ACP6: variants seen among roughly 807,000 people sequenced by gnomAD.
ACP6 encodes lysophosphatidic acid phosphatase type 6.
A neutral mutation model predicts 48.1 loss-of-function variants in ACP6; 48 were observed. The observed-to-expected ratio is 1.00, with a 90% CI of 0.79 to 1.27. The LOEUF is 1.27. Among genes scored for constraint, ACP6 ranks in the 50% most tolerant of loss-of-function variants. The pLI is 0.00. For missense variants in ACP6, 485 were observed against 529.1 expected (o/e 0.92, Z 0.82); for synonymous variants, 172 against 204.2 (o/e 0.84, Z 1.34).
rs75384252 is a variant in ACP6, at chr1:147,656,921, T to C, written c.560-1673A>G. Among the ~76,000 whole-genome samples the C allele has an allele frequency of 2.9e-3, 434 of 152,274 alleles. 3 individuals carry two copies. Among genetic ancestry groups the C allele is most frequent in the African/African-American group, 9.6e-3 (400 of 41,532 alleles). On this transcript the variant is annotated intron_variant, in intron 4 of 9. Transcript: ENST00000583509. ...AGGGTAATACACAGCATTTACATTG[T>C]ATTGGGTATTATGTCATCTACAGAT...
In ACP6 at chr1:147,644,330, C is replaced by A. The variant is rs1553209182; in HGVS notation, c.*3093G>T. Reference sequence around the variant, plus strand: ...AAAAGAAAGTAAAAAGTTTTTATTACAAAAAAGAAGAAGAATGGTAAGATG... The same window carrying A: ...AAAAGAAAGTAAAAAGTTTTTATTAAAAAAAAGAAGAAGAATGGTAAGATG... On this transcript the variant is annotated 3_prime_UTR_variant, in exon 10 of 10. Coordinates refer to ENST00000583509, the MANE Select transcript of ACP6 (RefSeq NM_016361.5). 1.3e-5 allele frequency: 2 copies of A among 151,976 alleles called. No individual in the cohort carries two copies. Among genetic ancestry groups the A allele is most frequent in the African/African-American group, 4.8e-5 (2 of 41,364 alleles). 9.4% of individuals were successfully genotyped at this position (151,976 alleles called of 1,614,324 possible). A position where few individuals can be genotyped will look rare whatever the true frequency, so the allele number is the denominator to read the frequency against.
Position 147,652,440 on chromosome 1 carries a change from GC to G in ACP6, c.881+8del, listed in dbSNP as rs782470458. ...GCGTGACTTCATGCCAGCAGTGAGA[GC>G]CCCTCACCTGTCTTCCTTGGGCAGT... On this transcript the variant is annotated splice_region_variant and intron_variant, in intron 7 of 9. Transcript: ENST00000583509. 1 of 1,607,746 alleles carries G rather than the reference GC, an allele frequency of 6.2e-7. No individual in the cohort carries two copies. The highest frequency in any genetic ancestry group is 1.7e-5 in the Admixed American group (1 of 59,408).
intron 1 of ACP6, among the ~76,000 whole-genome samples, chr1:147,667,622 CAT>C (rs1278555637): frequency 6.6e-6 from 1 of 152,146 alleles, no homozygotes; most frequent in African/African-American, 2.4e-5. Context: ...AATCAGGAAA[CAT>C]GTACCAAAGA....
Position 147,659,670 on chromosome 1 carries a change from G to T in ACP6, c.325C>A (p.Gln109Lys). The T allele has an allele frequency of 6.2e-7, 1 of 1,614,206 alleles. No homozygotes were observed. Among genetic ancestry groups the T allele is most frequent in the Middle Eastern group, 1.6e-4 (1 of 6,062 alleles). The change falls in exon 2 of 10, where the codon CAA becomes AAA. Residue 109 changes from glutamine to lysine, a missense_variant. By Grantham distance (53) the Gln-to-Lys change is moderately conservative (BLOSUM62 1). Transcript: ENST00000583509. The part of the protein sequence containing the change: ...GPKPYSPYDS[Q>K]YHETTLKGGM... The stretch of plus-strand genomic sequence containing the variant: ...ACCTTCAGGGTGGTCTCATGGTATT[G>T]AGAGTCGTAAGGAGAATATGGTTTC...
Position 147,669,882 on chromosome 1 carries a change from A to C in ACP6, c.167T>G (p.Val56Gly), listed in dbSNP as rs1553214348. ...SLLKLKMVQVVFRHGARSPLK... is the reference protein window; with the variant it reads ...SLLKLKMVQVGFRHGARSPLK... ...AGGACTCCGAGCCCCGTGTCGAAAC[A>C]CGACCTGCACCATTTTCAACTTCAG... The change falls in exon 1 of 10, where the codon GTG (valine) becomes GGG (glycine). Residue 56 changes from valine to glycine, a missense_variant. Physicochemically the swap from Val to Gly is moderately radical, Grantham distance 109. Coordinates refer to ENST00000583509, the MANE Select transcript of ACP6 (RefSeq NM_016361.5). 6.2e-7 allele frequency: 1 copy of C among 1,601,802 alleles called. No individual in the cohort carries two copies. Among genetic ancestry groups the C allele is most frequent in the Non-Finnish European group, 8.5e-7 (1 of 1,175,092 alleles).
At chr1:147,635,422 T>C (rs782081451) in intron 5 of ACP6, among the ~76,000 whole-genome samples, 4 of 152,328 alleles carry the variant, frequency 2.6e-5, no homozygotes, top group African/African-American at 9.6e-5. Context: ...ATTTTCTCTC[T>C]CTCCTCTATT....
At chr1:147,633,740 T>C (rs1553207664) in intron 5 of ACP6, among the ~76,000 whole-genome samples, 2 of 152,192 alleles carry the variant, frequency 1.3e-5, no homozygotes, top group African/African-American at 4.8e-5. Context: ...TTATATTGGT[T>C]CTAACTTTTC....
intron 6 of ACP6, 92 bp from the exon 7 acceptor site, chr1:147,652,641 T>C (rs1553210786): frequency 1.2e-6 from 2 of 1,606,856 alleles, no homozygotes; most frequent in Admixed American, 1.7e-5. Context: ...CAGGAGCCCA[T>C]CTTCTCCTGG....
Position 147,654,177 on chromosome 1 carries a change from C to G in ACP6, c.780+17G>C, listed in dbSNP as rs201892511. On this transcript the variant is annotated intron_variant, in intron 6 of 9. Coordinates refer to ENST00000583509, the MANE Select transcript of ACP6 (RefSeq NM_016361.5). ...CACCAAGGCTATTATCCCAGGCTCC[C>G]CAACCCCAGGACTCACCTGCTCGGC... 1 of 1,611,994 alleles carries G rather than the reference C, an allele frequency of 6.2e-7. No homozygotes were observed. The highest frequency in any genetic ancestry group is 8.5e-7 in the Non-Finnish European group (1 of 1,179,354).
chr1:147,655,220 T>C lies in ACP6; in HGVS notation c.588A>G (p.Ala196=), dbSNP rs1553211404. 1.2e-6 allele frequency: 2 copies of C among 1,608,576 alleles called. No individual in the cohort carries two copies. The highest frequency in any genetic ancestry group is 1.7e-6 in the Non-Finnish European group (2 of 1,177,202). The change falls in exon 5 of 10, where the codon GCA becomes GCG. Residue 196 remains alanine, a synonymous_variant. Coordinates refer to ENST00000583509, the MANE Select transcript of ACP6 (RefSeq NM_016361.5). ...EGPIIIHTDE[A]DSEVLYPNYQ... The stretch of plus-strand genomic sequence containing the variant: ...AGTTGGGATACAAGACTTCTGAATC[T>C]GCTTCATCAGTGTGGATGATGATGG...
chr1:147,634,437 G>GTTTT (rs3045326), intron 5 of ACP6, among the ~76,000 whole-genome samples: 4 of 150,144 alleles, frequency 2.7e-5, no homozygotes, highest in African/African-American at 9.8e-5. Flanking sequence ...ATGCCTAAAA[G>GTTTT]TTTTTTTTTT....
chr1:147,655,188 C>T lies in ACP6; in HGVS notation c.620G>A (p.Ser207Asn). The change falls in exon 5 of 10, where the codon AGC (serine) becomes AAC (asparagine). Residue 207 changes from serine (S) to asparagine (N), a missense_variant. By Grantham distance (46) the Ser-to-Asn change is conservative. Coordinates refer to ENST00000583509, the MANE Select transcript of ACP6 (RefSeq NM_016361.5). ...DSEVLYPNYQ[S>N]CWSLRQRTRG... ...GGTTCTCTGCCTCAGGCTCCAGCAG[C>T]TTTGGTAGTTGGGATACAAGACTTC... 2 of 1,608,752 alleles carry T rather than the reference C, an allele frequency of 1.2e-6. No homozygotes were observed. The highest frequency in any genetic ancestry group is 1.7e-6 in the Non-Finnish European group (2 of 1,177,278).
At position 147,648,287 on chromosome 1, in the gene ACP6, C is replaced by A; in HGVS notation, c.1102G>T (p.Glu368Ter). The A allele has an allele frequency of 6.2e-7, 1 of 1,614,158 alleles. No homozygotes were observed. The part of the protein sequence containing the change: ...DLTMELYQHL[E>*]SKEWFVQLYY... ...AGCTGCACAAACCACTCCTTAGATT[C>A]CAGGTGCTGGTAAAGTTCCATGGTC... Residue 368 changes from glutamate (E) to a stop codon, truncating the protein, a stop_gained, in exon 9 of 10, where the codon GAA becomes TAA. Coordinates refer to ENST00000583509, the MANE Select transcript of ACP6 (RefSeq NM_016361.5). LOFTEE classifies it high-confidence loss of function.
Position 147,647,556 on chromosome 1 carries a change from G to A in ACP6, c.1154C>T (p.Pro385Leu), listed in dbSNP as rs782391965. ...QLYYHGKEQV[P>L]RGCPDGLCPL... ...GCAGAGCCCATCAGGGCAACCTCTC[G>A]GCACCTGCTCCTGCAGAAGAAACAT... The change falls in exon 10 of 10, where the codon CCG (proline) becomes CTG (leucine). Residue 385 changes from proline to leucine, a missense_variant. Physicochemically the swap from Pro to Leu is moderately conservative, Grantham distance 98. Transcript: ENST00000583509. 4.3e-6 allele frequency: 7 copies of A among 1,612,532 alleles called. No individual in the cohort carries two copies. The highest frequency in any genetic ancestry group is 2.7e-5 in the African/African-American group (2 of 74,864).
At chr1:147,635,917 G>T (rs868947957) in intron 5 of ACP6, among the ~76,000 whole-genome samples, 2 of 152,200 alleles carry the variant, frequency 1.3e-5, no homozygotes, top group Admixed American at 6.6e-5. Flanking sequence ...GGAAATGGTT[G>T]TCCAGATAAA....
chr1:147,637,140 A>G (rs913840478), intron 5 of ACP6, among the ~76,000 whole-genome samples: 2 of 152,168 alleles, frequency 1.3e-5, no homozygotes, highest in Non-Finnish European at 2.9e-5. Flanking sequence ...TCCATCCCTG[A>G]CCACATGAAA....
intron 5 of ACP6, among the ~76,000 whole-genome samples, chr1:147,633,783 A>G (rs1349141416): frequency 6.6e-6 from 1 of 152,180 alleles, no homozygotes; most frequent in African/African-American, 2.4e-5. Flanking sequence ...ATTTTCATCA[A>G]AGTGATACAA....
intron 2 of ACP6, 26 bp downstream of exon 2, chr1:147,659,621 C>T (rs1203633854): frequency 2.5e-6 from 4 of 1,613,738 alleles, no homozygotes; most frequent in Non-Finnish European, 3.4e-6. Flanking sequence ...CAGTGGGGCT[C>T]CCCAGAGCAA....
At chr1:147,665,789 G>A (rs587721925) in intron 1 of ACP6, among the ~76,000 whole-genome samples, 1 of 152,238 alleles carries the variant, frequency 6.6e-6, no homozygotes, top group South Asian at 2.1e-4. Flanking sequence ...GTCACGTCAA[G>A]TCTAAAGTAC....
Sources: gnomAD v4.1 joint callset for allele counts (sites outside exome capture counted in the v4.1 genomes callset) on GRCh38, gnomAD v4.1.1 for gene constraint, MANE v1.5 for transcripts, NCBI Gene and HGNC (gene_info 2026-07-23, HGNC 2026-07-21) for gene names.